The following TOP2B variants were observed in gnomAD, a reference collection of about 807,000 sequenced individuals.
The protein encoded by TOP2B is DNA topoisomerase II beta.
A neutral mutation model predicts 193.5 loss-of-function variants in TOP2B; 51 were observed. That is an observed-to-expected ratio of 0.26 (90% CI 0.21 to 0.33). TOP2B has a LOEUF of 0.33. TOP2B is among the 10% of genes least tolerant of loss of function. TOP2B has a pLI of 1.00. For synonymous variants in TOP2B, 634 were observed against 635.7 expected, an observed-to-expected ratio of 1.00 and a Z score of 0.04; for missense variants, 1,378 against 1,909.3, an observed-to-expected ratio of 0.72 and a Z score of 5.19.
At chr3:25,641,655 G>C (rs923569919) in intron 4 of TOP2B, among the ~76,000 whole-genome samples, 2 of 152,090 alleles carry the variant, frequency 1.3e-5, no homozygotes, top group Admixed American at 1.3e-4. Flanking sequence ...AATCTTAACT[G>C]AAATTAGATT....
intron 27 of TOP2B, among the ~76,000 whole-genome samples, chr3:25,613,787 TA>T (rs528598032): frequency 1.2e-3 from 185 of 152,058 alleles, no homozygotes; most frequent in Non-Finnish European, 1.7e-3. Context: ...GCTAGGCATT[TA>T]AAAAATCCTG....
Position 25,636,026 on chromosome 3 carries a change from C to T in TOP2B, c.762G>A (p.Lys254=). Residue 254 remains lysine, a synonymous_variant, in exon 7 of 36, where the codon AAG becomes AAA. Coordinates refer to ENST00000264331, the MANE Select transcript of TOP2B (RefSeq NM_001330700.2). ...LSKFKMEKLD[K]DIVALMTRRA... ...TTCTAGTCATGAGGGCCACAATATC[C>T]TTGTCAAGTTTTTCCATCTTAAATT... The T allele has an allele frequency of 6.2e-7, 1 of 1,613,450 alleles. No individual in the cohort carries two copies. The highest frequency in any genetic ancestry group is 1.1e-5 in the South Asian group (1 of 91,060).
chr3:25,648,188 CAA>C (rs1402240784), intron 1 of TOP2B, among the ~76,000 whole-genome samples: 3 of 152,192 alleles, frequency 2.0e-5, no homozygotes, highest in Non-Finnish European at 2.9e-5. Flanking sequence ...CCATTGAAAA[CAA>C]AAGCAAAGTG....
In TOP2B at chr3:25,664,642, G is replaced by A; in HGVS notation, c.-345C>T. 1 of 989,466 alleles carries A rather than the reference G, an allele frequency of 1.0e-6. No individual in the cohort carries two copies. The highest frequency in any genetic ancestry group is 1.2e-6 in the Non-Finnish European group (1 of 833,040). The allele number at this position is 989,466 out of a possible 1,614,324, so 61.3% of individuals were successfully genotyped here. A position where few individuals can be genotyped will look rare whatever the true frequency, so the allele number is the denominator to read the frequency against. On this transcript the variant is annotated 5_prime_UTR_variant, in exon 1 of 36. Coordinates refer to ENST00000264331, the MANE Select transcript of TOP2B (RefSeq NM_001330700.2). Reference sequence around the variant, plus strand: ...GCAGGCCGGGCTGAAGCCCGGGCGTGCGAGCCGCGAGGGCGGCCGGGGAGC... The same window carrying A: ...GCAGGCCGGGCTGAAGCCCGGGCGTACGAGCCGCGAGGGCGGCCGGGGAGC...
chr3:25,603,534 C>A (rs922757767), intron 33 of TOP2B, among the ~76,000 whole-genome samples: 1 of 152,162 alleles, frequency 6.6e-6, no homozygotes, highest in African/African-American at 2.4e-5. Flanking sequence ...TGAGCCACTG[C>A]GCCCAGCCTG....
Position 25,628,969 on chromosome 3 carries a change from A to G in TOP2B, c.1801-17T>C. ...TTTGCTTGCCTTAAATTAATTAAAA[A>G]ACAAAATTAGTTTTTCTGCTACCCT... On this transcript the variant is annotated splice_polypyrimidine_tract_variant and intron_variant, in intron 14 of 35. Coordinates refer to ENST00000264331, the MANE Select transcript of TOP2B (RefSeq NM_001330700.2). The G allele has an allele frequency of 6.3e-7, 1 of 1,588,042 alleles. No individual in the cohort carries two copies. The highest frequency in any genetic ancestry group is 1.8e-5 in the Admixed American group (1 of 55,354).
rs769467031 is a variant in TOP2B, at chr3:25,664,211, C to T, written c.69+18G>A. 10 of 1,539,164 alleles carry T rather than the reference C, an allele frequency of 6.5e-6. No individual in the cohort carries two copies. The African/African-American group carries it at 1.4e-4, about 21-fold the overall frequency. On this transcript the variant is annotated intron_variant, in intron 1 of 35. Transcript: ENST00000264331. Reference sequence around the variant, plus strand: ...CCCGGAACAATGCAGCCGCCCGTCCCGGGGACCAGCCACTTACCACCCAGG... The same window carrying T: ...CCCGGAACAATGCAGCCGCCCGTCCTGGGGACCAGCCACTTACCACCCAGG...
chr3:25,598,557 G>GCTTATGTTTAGGAAGTATT (rs1406167862), intron 35 of TOP2B, 80 bp from the exon 36 acceptor site: 98 of 1,130,846 alleles, frequency 8.7e-5, no homozygotes, highest in Non-Finnish European at 1.9e-5. Flanking sequence ...CTTAAACTTC[G>GCTTATGTTTAGGAAGTATT]CTTATGTTTA....
chr3:25,644,427 G>A (rs1218684425), intron 2 of TOP2B, among the ~76,000 whole-genome samples: 11 of 152,254 alleles, frequency 7.2e-5, no homozygotes, highest in East Asian at 3.9e-4. Context: ...AAGCCTGGGC[G>A]CAGTGGCTCA....
At chr3:25,612,136 G>A (rs562921285) in intron 28 of TOP2B, among the ~76,000 whole-genome samples, 17 of 152,024 alleles carry the variant, frequency 1.1e-4, no homozygotes, top group Middle Eastern at 3.4e-3. Flanking sequence ...TAGAGACGGG[G>A]TTTCACCATG....
chr3:25,612,214 T>G (rs1015740021), intron 28 of TOP2B, among the ~76,000 whole-genome samples: 4 of 152,172 alleles, frequency 2.6e-5, no homozygotes, highest in Non-Finnish European at 5.9e-5. Flanking sequence ...AGTGCTGGGA[T>G]TACAGGCGTG....
intron 21 of TOP2B, among the ~76,000 whole-genome samples, chr3:25,623,280 A>G (rs899309428): frequency 1.3e-5 from 2 of 152,214 alleles, no homozygotes; most frequent in African/African-American, 4.8e-5. Context: ...AACCTGGAAT[A>G]TGAGGTGTTT....
Position 25,607,374 on chromosome 3 carries a change from G to A in TOP2B, c.4095C>T (p.Ala1365=), listed in dbSNP as rs76148683. 1.1e-4 allele frequency: 177 copies of A among 1,548,842 alleles called. No homozygotes were observed. The Admixed American group carries it at 2.8e-3, about 24-fold the overall frequency. The change falls in exon 31 of 36, where the codon GCC becomes GCT. Residue 1365 remains alanine, a splice_region_variant and synonymous_variant. Transcript: ENST00000264331. ...AATCAAATGTGTATTTAGGTCTTTC[G>A]GCTAGGAGGAAAAATAAAAATGAAT... ...PRDSLLRRAA[A]ERPKYTFDFS...
Position 25,599,354 on chromosome 3 carries a change from T to A in TOP2B, c.4710+81A>T, listed in dbSNP as rs1702024921. 3.0e-6 allele frequency: 4 copies of A among 1,340,160 alleles called. No individual in the cohort carries two copies. In the Admixed American group the frequency reaches 8.4e-5, roughly 28 times the overall value. The allele number at this position is 1,340,160 out of a possible 1,614,324, so 83.0% of individuals were successfully genotyped here. A position where few individuals can be genotyped will look rare whatever the true frequency, so the allele number is the denominator to read the frequency against. On this transcript the variant is annotated intron_variant, in intron 35 of 35. Coordinates refer to ENST00000264331, the MANE Select transcript of TOP2B (RefSeq NM_001330700.2). ...GCTAGGTGGAAAGCTGTTCCAGGAC[T>A]ATAGTCATAAGCAAACTAAGTCACT...
intron 31 of TOP2B, 62 bp from the exon 32 acceptor site, chr3:25,606,184 T>TA: frequency 1.3e-6 from 1 of 756,016 alleles, no homozygotes; most frequent in Non-Finnish European, 2.1e-6. Flanking sequence ...TCAATCCTGA[T>TA]AAATTATATA....
At chr3:25,630,713 TCTAA>T (rs1237358344) in intron 11 of TOP2B, 84 bp downstream of exon 11, 4 of 1,224,218 alleles carry the variant, frequency 3.3e-6, no homozygotes, top group Non-Finnish European at 4.4e-6. Flanking sequence ...AAAATCATAG[TCTAA>T]CTATATGTAG....
intron 27 of TOP2B, among the ~76,000 whole-genome samples, chr3:25,612,959 C>A (rs181931488): frequency 6.6e-6 from 1 of 152,116 alleles, no homozygotes; most frequent in Non-Finnish European, 1.5e-5. Context: ...GACTAAATGA[C>A]CTGAGAAGTC....
At chr3:25,645,591 T>A in intron 1 of TOP2B, 121 bp from the exon 2 acceptor site, 1 of 757,898 alleles carries the variant, frequency 1.3e-6, no homozygotes. Context: ...ATTTTTTAAA[T>A]CTAAAGAAAA....
chr3:25,653,756 C>A (rs1161034831), intron 1 of TOP2B, among the ~76,000 whole-genome samples: 1 of 152,100 alleles, frequency 6.6e-6, no homozygotes, highest in Non-Finnish European at 1.5e-5. Context: ...GGATTACACA[C>A]AATAAGCAAA....
Sources: allele counts gnomAD v4.1 joint callset (sites outside exome capture counted in the v4.1 genomes callset), GRCh38; gene constraint gnomAD v4.1.1; transcripts MANE v1.5; gene names NCBI Gene and HGNC (gene_info 2026-07-23, HGNC 2026-07-21).